Variants in STK38 observed in about 807,000 individuals in gnomAD.
STK38 encodes serine/threonine-protein kinase 38.
A neutral mutation model predicts 59.0 loss-of-function variants in STK38; 26 were observed. That is an observed-to-expected ratio of 0.44 (90% CI 0.32 to 0.61). The LOEUF is 0.61. Among genes scored for constraint, STK38 ranks in the 20% least tolerant of loss-of-function variants. STK38 has a pLI of 0.04. For missense variants in STK38, 433 were observed against 566.0 expected (o/e 0.76, Z 2.38); for synonymous variants, 175 against 176.6 (o/e 0.99, Z 0.07).
At chr6:36,545,231 T>G (rs1582475071) in intron 1 of STK38, among the ~76,000 whole-genome samples, 1 of 142,844 alleles carries the variant, frequency 7.0e-6, no homozygotes, top group East Asian at 2.0e-4. Context: ...AGGCACAGGT[T>G]GCAGTGAGCC....
chr6:36,528,979 C>T (rs1442673111), intron 2 of STK38, among the ~76,000 whole-genome samples: 1 of 152,056 alleles, frequency 6.6e-6, no homozygotes, highest in African/African-American at 2.4e-5. Context: ...ACTCCTTGAA[C>T]ACAATCAGAT....
intron 6 of STK38, among the ~76,000 whole-genome samples, chr6:36,516,599 T>A (rs1777260332): frequency 6.6e-6 from 1 of 152,234 alleles, no homozygotes; most frequent in Non-Finnish European, 1.5e-5. Context: ...AAAATATGAT[T>A]TCCTAATCAC....
chr6:36,527,210 ATATG>A lies in STK38; in HGVS notation c.132-1572_132-1569del, dbSNP rs1480159115. ...CCGTCTCAAAAAAAAAAAAAAAAAT[ATATG>A]TATATATATATATATTTATATGTAT... On this transcript the variant is annotated intron_variant, in intron 2 of 13. Transcript: ENST00000229812. 2.0e-3 allele frequency among the ~76,000 whole-genome samples: 252 copies of A among 123,372 alleles called. 6 individuals carry two copies. Among genetic ancestry groups the A allele is most frequent in the African/African-American group, 2.6e-3 (89 of 34,174 alleles). 80.9% of individuals were successfully genotyped at this position (123,372 alleles called of 152,430 possible). A position where few individuals can be genotyped will look rare whatever the true frequency, so the allele number is the denominator to read the frequency against.
intron 7 of STK38, among the ~76,000 whole-genome samples, chr6:36,513,317 C>CTTT (rs775876993): frequency 1.7e-5 from 2 of 117,918 alleles, no homozygotes; most frequent in African/African-American, 3.2e-5. Context: ...TGCGTCTGGC[C>CTTT]TTTTTTTTTT....
At chr6:36,498,525 G>C in intron 10 of STK38, 39 bp from the exon 11 acceptor site, 1 of 1,580,024 alleles carries the variant, frequency 6.3e-7, no homozygotes, top group Admixed American at 1.9e-5. Context: ...TTACACTCCA[G>C]AACTTTGAAT....
intron 11 of STK38, 152 bp downstream of exon 11, chr6:36,498,211 C>T (rs1776752215): frequency 8.0e-6 from 9 of 1,125,790 alleles, no homozygotes; most frequent in East Asian, 2.4e-5. Context: ...GAATTATAGG[C>T]GTAAGCCACC....
chr6:36,530,696 T>C (rs1240308611), intron 2 of STK38, among the ~76,000 whole-genome samples: 12 of 147,756 alleles, frequency 8.1e-5, no homozygotes, highest in Admixed American at 1.3e-4. Context: ...CTTTTCTTTT[T>C]TTTTTTTTTT....
chr6:36,534,659 A>C (rs1212255134), intron 2 of STK38, among the ~76,000 whole-genome samples: 4 of 152,150 alleles, frequency 2.6e-5, no homozygotes, highest in Admixed American at 6.5e-5. Flanking sequence ...TCTAAAAAAA[A>C]ACAATAAAAA....
At chr6:36,515,298 C>G (rs1413483752) in intron 7 of STK38, 40 bp downstream of exon 7, 2 of 1,603,286 alleles carry the variant, frequency 1.2e-6, no homozygotes, top group African/African-American at 2.7e-5. Context: ...CTGCTCAGAT[C>G]AGTAAACGTG....
At chr6:36,496,011 C>A in intron 13 of STK38, 97 bp from the exon 14 acceptor site, 70 of 1,147,402 alleles carry the variant, frequency 6.1e-5, no homozygotes, top group Non-Finnish European at 7.8e-5. Context: ...ACACCAGTTT[C>A]TATTTGGGAA....
intron 2 of STK38, 89 bp from the exon 3 acceptor site, chr6:36,525,731 A>T (rs183391473): frequency 6.0e-5 from 63 of 1,047,228 alleles, no homozygotes; most frequent in African/African-American, 5.5e-4. Flanking sequence ...GTAGATTTTT[A>T]AAAATGACAC....
At position 36,521,716 on chromosome 6, in the gene STK38, G is replaced by A. The variant is rs1777379436; in HGVS notation, c.390+18C>T. ...CAAAAATTAATAAGCTAAAAGCACT[G>A]CTACAACTGTGCTTTACCTGCTCTT... On this transcript the variant is annotated intron_variant, in intron 5 of 13. Coordinates refer to ENST00000229812, the MANE Select transcript of STK38 (RefSeq NM_007271.4). 1.3e-6 allele frequency: 2 copies of A among 1,592,852 alleles called. No homozygotes were observed. Among genetic ancestry groups the A allele is most frequent in the Non-Finnish European group, 1.7e-6 (2 of 1,171,668 alleles).
chr6:36,504,361 G>A (rs901961275), intron 9 of STK38, among the ~76,000 whole-genome samples: 2 of 152,132 alleles, frequency 1.3e-5, no homozygotes, highest in African/African-American at 4.8e-5. Flanking sequence ...ATTCCCAATG[G>A]ACTAAAAAGT....
intron 2 of STK38, among the ~76,000 whole-genome samples, chr6:36,532,389 T>A (rs1777686474): frequency 6.6e-6 from 1 of 150,780 alleles, no homozygotes; most frequent in Admixed American, 6.6e-5. Context: ...CTCTTGTCAA[T>A]CACTTTTTAA....
At chr6:36,524,001 T>C (rs1293515153) in intron 4 of STK38, among the ~76,000 whole-genome samples, 2 of 152,048 alleles carry the variant, frequency 1.3e-5, no homozygotes, top group Non-Finnish European at 2.9e-5. Context: ...ACCTTTAGAG[T>C]CTTAATTTCA....
At chr6:36,507,470 G>A (rs1255624890) in intron 8 of STK38, 30 bp downstream of exon 8, 9 of 1,593,706 alleles carry the variant, frequency 5.6e-6, no homozygotes, top group South Asian at 2.2e-5. Context: ...CAGTTAGAAC[G>A]AAAAGGCTAA....
intron 2 of STK38, 22 bp downstream of exon 2, chr6:36,540,050 T>C (rs1777894576): frequency 6.2e-7 from 1 of 1,612,714 alleles, no homozygotes; most frequent in Non-Finnish European, 8.5e-7. Flanking sequence ...ATGACACAAT[T>C]TTTTCAAACA....
In STK38 at chr6:36,506,633, T is replaced by G; in HGVS notation, c.784A>C (p.Met262Leu). ...GTTTCTGCTTTCCTTTTGGAATTCA[T>G]GTTCTGGAAAGCTGAAAGTAAAGAA... Reference protein sequence around the residue: ...SLPSDFTFQNMNSKRKAETWK... With the variant: ...SLPSDFTFQNLNSKRKAETWK... Residue 262 changes from methionine (M) to leucine (L), a missense_variant, in exon 9 of 14, where the codon ATG becomes CTG. Transcript: ENST00000229812. 6.2e-7 allele frequency: 1 copy of G among 1,613,346 alleles called. No individual in the cohort carries two copies. Among genetic ancestry groups the G allele is most frequent in the Non-Finnish European group, 8.5e-7 (1 of 1,179,804 alleles).
intron 2 of STK38, among the ~76,000 whole-genome samples, chr6:36,538,360 T>C (rs554165481): frequency 2.1e-4 from 32 of 151,960 alleles, no homozygotes; most frequent in Admixed American, 3.3e-4. Flanking sequence ...TTGTCTAAGG[T>C]TGAAGAACCA....
Sources: gnomAD v4.1 joint callset for allele counts (sites outside exome capture counted in the v4.1 genomes callset) on GRCh38, gnomAD v4.1.1 for gene constraint, MANE v1.5 for transcripts, NCBI Gene and HGNC (gene_info 2026-07-23, HGNC 2026-07-21) for gene names.